The following TRMT9B variants were observed in gnomAD, a reference collection of about 807,000 sequenced individuals.
TRMT9B encodes tRNA methyltransferase 9B (putative).
TRMT9B carries 16 observed loss-of-function variants against 11.5 expected under a neutral mutation model. The observed-to-expected ratio is 1.39, with a 90% CI of 0.94 to 2.11. TRMT9B has a LOEUF of 2.11. TRMT9B is among the 30% of genes most tolerant of loss of function. TRMT9B has a pLI of 0.00. For synonymous variants in TRMT9B, 274 were observed against 192.4 expected, an observed-to-expected ratio of 1.42 and a Z score of -3.51; for missense variants, 941 against 553.8, an observed-to-expected ratio of 1.70 and a Z score of -7.02.
At chr8:13,011,270 G>C (rs1240773610) in intron 3 of TRMT9B, 3 of 983,476 alleles carry the variant, frequency 3.1e-6, no homozygotes, top group East Asian at 1.1e-4. Context: ...ATAGGCATGA[G>C]CCACCGCGCC....
At chr8:13,003,004 C>G (rs1809752163) in intron 2 of TRMT9B, among the ~76,000 whole-genome samples, 1 of 152,146 alleles carries the variant, frequency 6.6e-6, no homozygotes, top group African/African-American at 2.4e-5. Context: ...TACTCAGAGC[C>G]AGATTCCATT....
intron 3 of TRMT9B, among the ~76,000 whole-genome samples, chr8:13,008,659 C>T (rs1810956205): frequency 6.6e-6 from 1 of 152,132 alleles, no homozygotes; most frequent in South Asian, 2.1e-4. Flanking sequence ...GACAGACATA[C>T]AATTCAAGTC....
At chr8:12,966,029 AAAG>A (rs1413881385) in intron 1 of TRMT9B, among the ~76,000 whole-genome samples, 7 of 151,736 alleles carry the variant, frequency 4.6e-5, no homozygotes, top group African/African-American at 1.2e-4. Flanking sequence ...AAAAAAAAAA[AAAG>A]AAGCACTCCA....
intron 2 of TRMT9B, among the ~76,000 whole-genome samples, chr8:12,992,349 A>C (rs561181448): frequency 1.3e-5 from 2 of 152,230 alleles, no homozygotes; most frequent in East Asian, 3.9e-4. Flanking sequence ...GAGATAATAA[A>C]TTTGCAGTGT....
Position 13,021,054 on chromosome 8 carries a change from A to G in TRMT9B, c.375A>G (p.Lys125=), listed in dbSNP as rs1189441542. 7 of 1,583,052 alleles carry G rather than the reference A, an allele frequency of 4.4e-6. No individual in the cohort carries two copies. Among genetic ancestry groups the G allele is most frequent in the Non-Finnish European group, 5.1e-6 (6 of 1,166,670 alleles). Residue 125 remains lysine, a synonymous_variant, in exon 5 of 5, where the codon AAA becomes AAG. Transcript: ENST00000524591. Reference sequence around the variant, plus strand: ...AACAAAGAAGAATCAGAGCAATAAAAGAAATGGCCAGGGTCTTAGTTCCCG... The same window carrying G: ...AACAAAGAAGAATCAGAGCAATAAAGGAAATGGCCAGGGTCTTAGTTCCCG... ...STKQRRIRAI[K]EMARVLVPGG...
chr8:12,962,521 C>T (rs557421801), intron 1 of TRMT9B, among the ~76,000 whole-genome samples: 2 of 151,898 alleles, frequency 1.3e-5, no homozygotes, highest in African/African-American at 4.8e-5. Context: ...GATAGGGTTC[C>T]CCTCTATCAC....
rs776966770 is a variant in TRMT9B at position 13,025,871 on chromosome 8, C to T, written c.*3827C>T. 5 of 166,722 alleles carry T rather than the reference C, an allele frequency of 3.0e-5. No individual in the cohort carries two copies. Among genetic ancestry groups the T allele is most frequent in the Non-Finnish European group, 7.3e-5 (5 of 68,110 alleles). 10.3% of individuals were successfully genotyped at this position (166,722 alleles called of 1,614,324 possible). A position where few individuals can be genotyped will look rare whatever the true frequency, so the allele number is the denominator to read the frequency against. On this transcript the variant is annotated 3_prime_UTR_variant, in exon 5 of 5. Transcript: ENST00000524591. ...TTCTACATGCCAGTAATTCCTCTGTCTTTTAAGTGACCATCAATTCAATAG... is the reference window on the plus strand; with the variant it reads ...TTCTACATGCCAGTAATTCCTCTGTTTTTTAAGTGACCATCAATTCAATAG...
intron 1 of TRMT9B, among the ~76,000 whole-genome samples, chr8:12,988,747 C>T (rs1347438652): frequency 6.6e-6 from 1 of 152,160 alleles, no homozygotes; most frequent in Non-Finnish European, 1.5e-5. Context: ...ATGGGAACTA[C>T]AATTCAAGAT....
chr8:13,005,079 G>C (rs1402651138), intron 2 of TRMT9B, among the ~76,000 whole-genome samples: 1 of 143,180 alleles, frequency 7.0e-6, no homozygotes, highest in Admixed American at 7.1e-5. Context: ...CAGCGAGACT[G>C]CATCTCAAAA....
rs1814279504 is a variant in TRMT9B, at chr8:13,023,565, T to C, written c.*1521T>C. On this transcript the variant is annotated 3_prime_UTR_variant, in exon 5 of 5. Transcript: ENST00000524591. ...TGTCATGGATCCTGAGACACAAATA[T>C]AATTAAGACAGGTCTAGAGACAGGA... is the stretch of plus-strand genomic sequence containing the variant. The C allele has an allele frequency of 6.0e-6, 1 of 167,056 alleles. No individual in the cohort carries two copies. Among genetic ancestry groups the C allele is most frequent in the Non-Finnish European group, 1.5e-5 (1 of 68,122 alleles). 10.3% of individuals were successfully genotyped at this position (167,056 alleles called of 1,614,324 possible). A position where few individuals can be genotyped will look rare whatever the true frequency, so the allele number is the denominator to read the frequency against.
intron 1 of TRMT9B, among the ~76,000 whole-genome samples, chr8:12,972,116 G>C (rs1449155845): frequency 1.3e-5 from 2 of 152,220 alleles, no homozygotes; most frequent in African/African-American, 2.4e-5. Context: ...ATAAGGAATT[G>C]ATTAGACAGA....
intron 1 of TRMT9B, among the ~76,000 whole-genome samples, chr8:12,972,414 T>G (rs1189932013): frequency 6.6e-6 from 1 of 152,174 alleles, no homozygotes; most frequent in East Asian, 1.9e-4. Flanking sequence ...TTTAGGGGTG[T>G]GCAAAAGAGC....
chr8:12,996,454 A>C (rs1309971141), intron 2 of TRMT9B, among the ~76,000 whole-genome samples: 2 of 151,520 alleles, frequency 1.3e-5, no homozygotes, highest in Non-Finnish European at 2.9e-5. Flanking sequence ...CTGAGGCAAA[A>C]CTCTCTCAGC....
At chr8:12,948,674 C>T (rs1320608436) in intron 1 of TRMT9B, among the ~76,000 whole-genome samples, 1 of 151,732 alleles carries the variant, frequency 6.6e-6, no homozygotes, top group African/African-American at 2.4e-5. Flanking sequence ...TAGAAAAAAA[C>T]AGAAGGCCAG....
Position 13,006,246 on chromosome 8 carries a change from A to G in TRMT9B, c.44A>G (p.Asn15Ser), listed in dbSNP as rs371798385. The G allele has an allele frequency of 3.7e-5, 59 of 1,613,884 alleles. No individual in the cohort carries two copies. The highest frequency in any genetic ancestry group is 4.7e-5 in the Non-Finnish European group (56 of 1,179,894). ...CAGCTGGAGAAGCAGCATGTGCACA[A>G]TGTGTACGAGAGCACAGCCCCTTAC... ...AAQLEKQHVHNVYESTAPYFS... is the reference protein window; with the variant it reads ...AAQLEKQHVHSVYESTAPYFS... Residue 15 changes from asparagine to serine, a missense_variant, in exon 3 of 5, where the codon AAT (asparagine) becomes AGT (serine). Physicochemically the swap from Asn to Ser is conservative, Grantham distance 46 (BLOSUM62 1). Coordinates refer to ENST00000524591, the MANE Select transcript of TRMT9B (RefSeq NM_020844.3).
chr8:12,989,331 C>G (rs1034774638), intron 1 of TRMT9B, among the ~76,000 whole-genome samples: 7 of 152,224 alleles, frequency 4.6e-5, no homozygotes, highest in Non-Finnish European at 8.8e-5. Flanking sequence ...CCCATTCTAT[C>G]TTTGCCCAGT....
At chr8:12,960,086 T>C (rs549206109) in intron 1 of TRMT9B, 28 of 152,320 alleles carry the variant, frequency 1.8e-4, no homozygotes, top group African/African-American at 6.3e-4. Context: ...TAACACAATT[T>C]CCACTGGAGC....
intron 4 of TRMT9B, among the ~76,000 whole-genome samples, chr8:13,016,177 AT>A (rs1812628097): frequency 1.1e-5 from 1 of 92,522 alleles, no homozygotes; most frequent in Non-Finnish European, 2.2e-5. Context: ...ATAAACATAT[AT>A]AAATATAAAT....
rs192628919 is a variant in TRMT9B, at chr8:13,021,299, G to T, written c.620G>T (p.Cys207Phe). The T allele has an allele frequency of 1.2e-6, 2 of 1,613,912 alleles. No homozygotes were observed. Among genetic ancestry groups the T allele is most frequent in the Admixed American group, 3.3e-5 (2 of 60,002 alleles). Residue 207 changes from cysteine to phenylalanine, a missense_variant, in exon 5 of 5, where the codon TGT becomes TTT. Cys to Phe is a radical substitution (Grantham distance 205). Transcript: ENST00000524591. Reference sequence around the variant, plus strand: ...TGTTCTGTTTGTTTTAAAGAGCAGTGTGGTTCAAAACGGTCCCACAGCGTG... The same window carrying T: ...TGTTCTGTTTGTTTTAAAGAGCAGTTTGGTTCAAAACGGTCCCACAGCGTG... ...CSCSVCFKEQ[C>F]GSKRSHSVGY...
Sources: allele counts gnomAD v4.1 joint callset (sites outside exome capture counted in the v4.1 genomes callset), GRCh38; gene constraint gnomAD v4.1.1; transcripts MANE v1.5; gene names NCBI Gene and HGNC (gene_info 2026-07-23, HGNC 2026-07-21).